Variants in ZCCHC7 observed in about 807,000 individuals in gnomAD.
ZCCHC7 encodes zinc finger CCHC-type containing 7.
A neutral mutation model predicts 52.0 loss-of-function variants in ZCCHC7; 35 were observed. The observed-to-expected ratio is 0.67, with a 90% CI of 0.51 to 0.89. The LOEUF is 0.89. ZCCHC7 is among the 40% of genes least tolerant of loss of function. The probability of loss-of-function intolerance (pLI) is 0.00; values close to 1 mark genes in which losing one functional copy is unlikely to be tolerated. For missense variants in ZCCHC7, 574 were observed against 649.1 expected (o/e 0.88, Z 1.26); for synonymous variants, 217 against 221.5 (o/e 0.98, Z 0.18).
intron 2 of ZCCHC7, chr9:37,186,596 T>G (rs962159429): frequency 5.0e-6 from 2 of 396,184 alleles, no homozygotes; most frequent in Non-Finnish European, 9.6e-6. Flanking sequence ...GTAACTGAAG[T>G]TTGCTTGCAT....
chr9:37,322,759 T>C (rs1347851800), intron 5 of ZCCHC7, among the ~76,000 whole-genome samples: 1 of 151,786 alleles, frequency 6.6e-6, no homozygotes, highest in Non-Finnish European at 1.5e-5. Context: ...TTGTTCATTG[T>C]TTTATTTTTT....
At chr9:37,182,895 C>G (rs7038219) in intron 2 of ZCCHC7, among the ~76,000 whole-genome samples, 1 of 151,906 alleles carries the variant, frequency 6.6e-6, no homozygotes, top group Non-Finnish European at 1.5e-5. Context: ...CTGAGGCAGG[C>G]AAGTCCCTGG....
In ZCCHC7 at chr9:37,349,452, C is replaced by G. The variant is rs1171002269; in HGVS notation, c.1083C>G (p.His361Gln). The change falls in exon 7 of 9, where the codon CAC becomes CAG. Residue 361 changes from histidine to glutamine, a missense_variant and splice_region_variant. His to Gln is a conservative substitution (Grantham distance 24, BLOSUM62 0). Coordinates refer to ENST00000336755, the MANE Select transcript of ZCCHC7 (RefSeq NM_032226.3). ...GCGCGCAAAAAGGCCATTATGGACA[C>G]GTAAGTTTGAGTGACATTTGGGCAT... ...YHCAQKGHYG[H>Q]ECPEREVYDP... 6.2e-7 allele frequency: 1 copy of G among 1,613,324 alleles called. No individual in the cohort carries two copies. Among genetic ancestry groups the G allele is most frequent in the African/African-American group, 1.3e-5 (1 of 74,854 alleles).
At chr9:37,136,274 A>G (rs1197982632) in intron 2 of ZCCHC7, among the ~76,000 whole-genome samples, 1 of 152,202 alleles carries the variant, frequency 6.6e-6, no homozygotes, top group Non-Finnish European at 1.5e-5. Flanking sequence ...TATTAAAGTC[A>G]TAAAGAAAAA....
At chr9:37,325,207 A>G (rs1383517549) in intron 5 of ZCCHC7, among the ~76,000 whole-genome samples, 1 of 152,232 alleles carries the variant, frequency 6.6e-6, no homozygotes, top group Non-Finnish European at 1.5e-5. Context: ...AATGTAGCAC[A>G]TTGCTAAAAC....
At chr9:37,140,879 A>G (rs1843190274) in intron 2 of ZCCHC7, among the ~76,000 whole-genome samples, 2 of 152,032 alleles carry the variant, frequency 1.3e-5, no homozygotes, top group Non-Finnish European at 2.9e-5. Flanking sequence ...TAAACATAGA[A>G]GGAGATAGGT....
intron 5 of ZCCHC7, among the ~76,000 whole-genome samples, chr9:37,307,917 GACGTAC>G (rs1829404529): frequency 6.6e-6 from 1 of 152,102 alleles, no homozygotes; most frequent in Non-Finnish European, 1.5e-5. Context: ...GAAATTAAAA[GACGTAC>G]ACTTATGTCT....
intron 5 of ZCCHC7, among the ~76,000 whole-genome samples, chr9:37,306,938 C>T (rs1829355416): frequency 1.3e-5 from 2 of 151,496 alleles, no homozygotes; most frequent in African/African-American, 4.9e-5. Context: ...CAGGCGCCCA[C>T]CACCATGCCT....
chr9:37,183,313 AT>A (rs1588442342), intron 2 of ZCCHC7, among the ~76,000 whole-genome samples: 2 of 152,360 alleles, frequency 1.3e-5, no homozygotes, highest in African/African-American at 4.8e-5. Flanking sequence ...TGAATATAAA[AT>A]ATTAGTTCAC....
At chr9:37,326,813 A>G (rs1479292846) in intron 5 of ZCCHC7, 1 of 152,122 alleles carries the variant, frequency 6.6e-6, no homozygotes, top group Non-Finnish European at 1.5e-5. Flanking sequence ...CAAAGATTTC[A>G]GAAAGTCTTA....
chr9:37,224,075 G>T (rs1048259973), intron 2 of ZCCHC7, among the ~76,000 whole-genome samples: 4 of 151,928 alleles, frequency 2.6e-5, no homozygotes, highest in Non-Finnish European at 5.9e-5. Context: ...GGTAAAAGGA[G>T]ATTTTTGTCT....
Position 37,241,206 on chromosome 9 carries a change from C to T in ZCCHC7, c.611-60982C>T, listed in dbSNP as rs1458869398. 2.6e-5 allele frequency among the ~76,000 whole-genome samples: 4 copies of T among 151,552 alleles called. No homozygotes were observed. The East Asian group carries it at 7.7e-4, about 29-fold the overall frequency. On this transcript the variant is annotated intron_variant, in intron 2 of 8. Transcript: ENST00000336755. ...CAAACCTTTAGCTATTTAGATAAGT[C>T]CCAGTCATACCTAAAATTTTTACTT...
At chr9:37,139,878 T>C (rs769089520) in intron 2 of ZCCHC7, among the ~76,000 whole-genome samples, 20 of 151,958 alleles carry the variant, frequency 1.3e-4, no homozygotes, top group Non-Finnish European at 2.4e-4. Flanking sequence ...TTATCTATCA[T>C]AGGGAGGGAA....
intron 2 of ZCCHC7, among the ~76,000 whole-genome samples, chr9:37,300,445 A>T (rs1045465990): frequency 7.2e-5 from 11 of 152,260 alleles, no homozygotes; most frequent in Non-Finnish European, 1.6e-4. Flanking sequence ...AGCTGCTGCT[A>T]TTTAATGTAT....
chr9:37,172,023 C>T (rs1341983977), intron 2 of ZCCHC7, among the ~76,000 whole-genome samples: 1 of 151,980 alleles, frequency 6.6e-6, no homozygotes, highest in African/African-American at 2.4e-5. Flanking sequence ...AATTTTTGTA[C>T]ACTTGGTTTA....
chr9:37,282,121 T>G (rs7849570), intron 2 of ZCCHC7, among the ~76,000 whole-genome samples: 3,532 of 152,264 alleles, frequency 0.023, 127 homozygotes, highest in African/African-American at 0.079. Context: ...AGAGTAAGAA[T>G]GTACCCTCCA....
At chr9:37,268,468 C>T (rs1827222522) in intron 2 of ZCCHC7, among the ~76,000 whole-genome samples, 1 of 151,440 alleles carries the variant, frequency 6.6e-6, no homozygotes, top group African/African-American at 2.4e-5. Context: ...GCTCTGTTGC[C>T]CAGGCTGGAG....
chr9:37,346,977 CAG>C (rs1283510829), intron 6 of ZCCHC7, among the ~76,000 whole-genome samples: 2 of 152,114 alleles, frequency 1.3e-5, no homozygotes, highest in East Asian at 3.9e-4. Flanking sequence ...CCTTGGGCAA[CAG>C]GGGAAGACCC....
chr9:37,252,739 T>TA (rs1826389741), intron 2 of ZCCHC7, among the ~76,000 whole-genome samples: 1 of 152,202 alleles, frequency 6.6e-6, no homozygotes, highest in African/African-American at 2.4e-5. Context: ...TTTGACTTAA[T>TA]ACTGCTTTCT....
Sources: allele counts gnomAD v4.1 joint callset (sites outside exome capture counted in the v4.1 genomes callset), GRCh38; gene constraint gnomAD v4.1.1; transcripts MANE v1.5; gene names NCBI Gene and HGNC (gene_info 2026-07-23, HGNC 2026-07-21).